Variants in XKR9 observed in about 807,000 individuals in gnomAD.
XKR9 encodes the protein XK related 9.
A neutral mutation model predicts 32.0 loss-of-function variants in XKR9; 32 were observed. The observed-to-expected ratio is 1.00, with a 90% CI of 0.76 to 1.34. The LOEUF (loss-of-function observed/expected upper bound fraction) is 1.34. Ranked by LOEUF, XKR9 falls within the 40% of genes most tolerant of loss-of-function variation. The probability of loss-of-function intolerance (pLI) is 0.00; values close to 1 mark genes in which losing one functional copy is unlikely to be tolerated. For missense variants in XKR9, 546 were observed against 429.7 expected (o/e 1.27, Z -2.39); for synonymous variants, 168 against 143.4 (o/e 1.17, Z -1.22).
the XKR9 span, among the ~76,000 whole-genome samples, chr8:70,877,924 C>T: frequency 2.0e-5 from 3 of 152,224 alleles, no homozygotes; most frequent in East Asian, 1.9e-4. Flanking sequence ...GGTCGAGTTA[C>T]TCACAAAGGG....
the XKR9 span, among the ~76,000 whole-genome samples, chr8:70,813,817 A>G: frequency 6.6e-6 from 1 of 152,232 alleles, no homozygotes; most frequent in Admixed American, 6.5e-5. Context: ...GGATGTGGAG[A>G]AATAGGAATA....
At chr8:70,945,601 C>T in the XKR9 span, among the ~76,000 whole-genome samples, 3 of 151,930 alleles carry the variant, frequency 2.0e-5, no homozygotes, top group East Asian at 1.9e-4. Context: ...TGATCAAAGG[C>T]GTCTAGACAC....
the XKR9 span, among the ~76,000 whole-genome samples, chr8:70,873,012 A>G: frequency 6.6e-6 from 1 of 152,174 alleles, no homozygotes; most frequent in Non-Finnish European, 1.5e-5. Context: ...TAAAAATCTT[A>G]TGGCCCATAA....
At chr8:70,818,631 G>A in the XKR9 span, among the ~76,000 whole-genome samples, 1 of 152,158 alleles carries the variant, frequency 6.6e-6, no homozygotes, top group Non-Finnish European at 1.5e-5. Flanking sequence ...CCACATGTAT[G>A]CTTAGTATAG....
At chr8:70,861,676 AAAAT>A in the XKR9 span, among the ~76,000 whole-genome samples, 1 of 152,090 alleles carries the variant, frequency 6.6e-6, no homozygotes, top group African/African-American at 2.4e-5. Context: ...AAAACAAAGT[AAAAT>A]AAAGCTGTTG....
At chr8:70,756,066 A>G (rs1244748936) in intron 2 of XKR9, among the ~76,000 whole-genome samples, 1 of 152,104 alleles carries the variant, frequency 6.6e-6, no homozygotes, top group Non-Finnish European at 1.5e-5. Context: ...ATAAGTGTTT[A>G]TTCTTTATTC....
At chr8:70,841,315 G>T in the XKR9 span, among the ~76,000 whole-genome samples, 3 of 152,118 alleles carry the variant, frequency 2.0e-5, no homozygotes, top group African/African-American at 7.2e-5. Context: ...TAATTAATCA[G>T]ATTTCTGTGA....
the XKR9 span, among the ~76,000 whole-genome samples, chr8:70,901,303 C>T: frequency 1.3e-5 from 2 of 152,210 alleles, no homozygotes; most frequent in African/African-American, 4.8e-5. Context: ...TATTTCTCCA[C>T]ATCCCCTCCA....
At chr8:70,916,689 T>A in the XKR9 span, among the ~76,000 whole-genome samples, 973 of 152,254 alleles carry the variant, frequency 6.4e-3, 19 homozygotes, top group African/African-American at 0.022. Context: ...TAAGCTGTCT[T>A]GTTGGATTTT....
At chr8:70,967,457 G>A in the XKR9 span, among the ~76,000 whole-genome samples, 3 of 152,120 alleles carry the variant, frequency 2.0e-5, no homozygotes, top group African/African-American at 7.2e-5. Context: ...ATTATTATGT[G>A]TGGATACGAT....
chr8:70,677,386 G>A (rs1379315935), intron 2 of XKR9, among the ~76,000 whole-genome samples: 5 of 152,094 alleles, frequency 3.3e-5, no homozygotes, highest in Non-Finnish European at 1.5e-5. Flanking sequence ...GGACTCAAGT[G>A]ATCTGCCTGG....
the XKR9 span, among the ~76,000 whole-genome samples, chr8:70,853,535 A>G: frequency 6.6e-6 from 1 of 151,978 alleles, no homozygotes; most frequent in Non-Finnish European, 1.5e-5. Context: ...TGAACAAAAA[A>G]AAGACATTCT....
At chr8:70,864,818 C>T in the XKR9 span, among the ~76,000 whole-genome samples, 6 of 152,206 alleles carry the variant, frequency 3.9e-5, no homozygotes, top group South Asian at 2.1e-4. Context: ...CTCTAGATAC[C>T]GCATTACCCA....
At chr8:71,017,294 T>C in the XKR9 span, among the ~76,000 whole-genome samples, 1 of 152,226 alleles carries the variant, frequency 6.6e-6, no homozygotes, top group Non-Finnish European at 1.5e-5. Context: ...CATCTAAATA[T>C]ATCTTACAGT....
rs145410977 is a variant in XKR9, at chr8:70,690,952, G to A, written c.272+9622G>A. 2.5e-3 allele frequency among the ~76,000 whole-genome samples: 379 copies of A among 152,196 alleles called. 2 individuals are homozygous for A. The highest frequency in any genetic ancestry group is 8.7e-3 in the African/African-American group (361 of 41,534). ...TACCCAGTAATGGAATTGCTGGGTC[G>A]AATGGTAGTTCTTTTAACTCTTTGA... is the stretch of plus-strand genomic sequence containing the variant. On this transcript the variant is annotated intron_variant, in intron 3 of 4. Transcript: ENST00000408926.
chr8:70,749,850 A>G (rs1169225354), intron 2 of XKR9, among the ~76,000 whole-genome samples: 1 of 152,252 alleles, frequency 6.6e-6, no homozygotes, highest in Non-Finnish European at 1.5e-5. Context: ...CCTTTTGCAT[A>G]TAACATCTTA....
At chr8:70,702,776 ACTAT>A (rs1399122843) in intron 3 of XKR9, among the ~76,000 whole-genome samples, 2 of 152,130 alleles carry the variant, frequency 1.3e-5, no homozygotes, top group African/African-American at 4.8e-5. Flanking sequence ...TTCCTTTCAA[ACTAT>A]CTGAGTCTTT....
At chr8:70,967,063 C>CTTTTTTTT in the XKR9 span, among the ~76,000 whole-genome samples, 4 of 68,936 alleles carry the variant, frequency 5.8e-5, no homozygotes, top group African/African-American at 1.7e-4. Flanking sequence ...TGGATCTTGA[C>CTTTTTTTT]TCTTTTTTTT....
At chr8:70,753,944 G>C (rs1488709216) in intron 2 of XKR9, among the ~76,000 whole-genome samples, 2 of 131,894 alleles carry the variant, frequency 1.5e-5, no homozygotes, top group Non-Finnish European at 3.5e-5. Flanking sequence ...GGAAATAAAG[G>C]GTATTCAACT....
Sources: allele counts gnomAD v4.1 joint callset (sites outside exome capture counted in the v4.1 genomes callset), GRCh38; gene constraint gnomAD v4.1.1; transcripts MANE v1.5; gene names NCBI Gene and HGNC (gene_info 2026-07-23, HGNC 2026-07-21).